TLDC2: variants seen among roughly 807,000 people sequenced by gnomAD.
TLDC2 encodes TLD domain-containing protein 2.
TLDC2 carries 23 observed loss-of-function variants against 27.9 expected under a neutral mutation model. That is an observed-to-expected ratio of 0.82 (90% CI 0.59 to 1.17). The LOEUF (loss-of-function observed/expected upper bound fraction) is 1.17. TLDC2 is among the 50% of genes most tolerant of loss of function. The pLI is 0.00. For synonymous variants in TLDC2, 124 were observed against 107.4 expected, an observed-to-expected ratio of 1.16 and a Z score of -0.96; for missense variants, 286 against 273.4, an observed-to-expected ratio of 1.05 and a Z score of -0.32.
At chr20:36,888,947 G>A (rs564566900) in intron 5 of TLDC2, among the ~76,000 whole-genome samples, 11 of 152,108 alleles carry the variant, frequency 7.2e-5, no homozygotes, top group South Asian at 4.2e-4. Context: ...GCTTGAACCC[G>A]GGAGGTGGAG....
chr20:36,889,578 AC>A, intron 6 of TLDC2, 175 bp downstream of exon 6: 4 of 678,648 alleles, frequency 5.9e-6, no homozygotes, highest in Non-Finnish European at 9.4e-6. Flanking sequence ...TGCAGAGGTG[AC>A]TTTGAAGGAT....
rs540831049 is a variant in TLDC2 at position 36,889,638 on chromosome 20, C to T, written c.*17+235C>T. On this transcript the variant is annotated intron_variant, in intron 6 of 6. Transcript: ENST00000217320. ...AAGCAGCACAGAGACCCTAAGCTAA[C>T]AGGGTCTTAGAAAACTCAGAAAAAT... The T allele has an allele frequency of 2.7e-5, 10 of 366,222 alleles. No homozygotes were observed. In the South Asian group the frequency reaches 5.9e-4, roughly 21 times the overall value. 22.7% of individuals were successfully genotyped at this position (366,222 alleles called of 1,614,324 possible). A position where few individuals can be genotyped will look rare whatever the true frequency, so the allele number is the denominator to read the frequency against.
chr20:36,888,378 C>G (rs1989973070), intron 5 of TLDC2, among the ~76,000 whole-genome samples: 1 of 151,636 alleles, frequency 6.6e-6, no homozygotes, highest in Non-Finnish European at 1.5e-5. Flanking sequence ...ACAACAGTTG[C>G]CCACCACCAC....
At chr20:36,876,234 G>A in intron 1 of TLDC2, 27 bp downstream of exon 1, 1 of 1,614,150 alleles carries the variant, frequency 6.2e-7, no homozygotes, top group Non-Finnish European at 8.5e-7. Flanking sequence ...CGTCTGTGGT[G>A]CAGGTTGGGA....
At chr20:36,877,621 C>T (rs967288249) in intron 1 of TLDC2, among the ~76,000 whole-genome samples, 7 of 152,190 alleles carry the variant, frequency 4.6e-5, no homozygotes, top group Non-Finnish European at 7.4e-5. Flanking sequence ...ACAAGTCGCA[C>T]GGCCCACGGC....
At chr20:36,880,526 T>C (rs1313057768) in intron 3 of TLDC2, 129 bp from the exon 4 acceptor site, 2 of 675,864 alleles carry the variant, frequency 3.0e-6, no homozygotes, top group Non-Finnish European at 5.1e-6. Flanking sequence ...GGAGCCCCCA[T>C]GCCCCAGCTC....
Position 36,881,232 on chromosome 20 carries a change from T to C in TLDC2, c.438+482T>C, listed in dbSNP as rs988797340. Reference sequence around the variant, plus strand: ...CCATCTCTACAAAAAATACGAAAATTAGCCAGACATGGTAGAGTACACCTG... The same window carrying C: ...CCATCTCTACAAAAAATACGAAAATCAGCCAGACATGGTAGAGTACACCTG... On this transcript the variant is annotated intron_variant, in intron 4 of 6. Transcript: ENST00000217320. Among the ~76,000 whole-genome samples the C allele has an allele frequency of 5.3e-5, 8 of 152,042 alleles. No individual in the cohort carries two copies. The South Asian group carries it at 8.3e-4, about 16-fold the overall frequency.
rs752092709 is a variant in TLDC2, at chr20:36,878,024, C to G, written c.159C>G (p.Ser53Arg). The G allele has an allele frequency of 6.2e-7, 1 of 1,613,896 alleles. No homozygotes were observed. Among genetic ancestry groups the G allele is most frequent in the Non-Finnish European group, 8.5e-7 (1 of 1,179,866 alleles). ...CGGTGCCCCAGCTGACAGAAGCCAG[C>G]CAGGTTTTGAGTGCCTCAGAGATTC... ...DPTVPQLTEA[S>R]QVLSASEIRQ... Residue 53 changes from serine (S) to arginine (R), a missense_variant, in exon 2 of 7, where the codon AGC becomes AGG. By Grantham distance (110) the Ser-to-Arg change is moderately radical. Transcript: ENST00000217320.
intron 1 of TLDC2, among the ~76,000 whole-genome samples, chr20:36,877,108 A>G (rs1989687077): frequency 6.6e-6 from 1 of 152,168 alleles, no homozygotes; most frequent in African/African-American, 2.4e-5. Flanking sequence ...ACAGAAGGCC[A>G]GGCGCGGTGG....
At chr20:36,878,314 C>T (rs994448831) in intron 2 of TLDC2, among the ~76,000 whole-genome samples, 4 of 152,188 alleles carry the variant, frequency 2.6e-5, no homozygotes, top group South Asian at 2.1e-4. Flanking sequence ...GGCGCGGTGG[C>T]TCACGCCTGT....
In TLDC2 at chr20:36,887,441, T is replaced by C. The variant is rs1989945790; in HGVS notation, c.439-14T>C. The C allele has an allele frequency of 6.2e-7, 1 of 1,611,982 alleles. No individual in the cohort carries two copies. Reference sequence around the variant, plus strand: ...TCGCTTAGTAACCTGAGCCTTTCCCTATGTATCACCCAGGTCTTTAAGTGG... The same window carrying C: ...TCGCTTAGTAACCTGAGCCTTTCCCCATGTATCACCCAGGTCTTTAAGTGG... On this transcript the variant is annotated splice_polypyrimidine_tract_variant and intron_variant, in intron 4 of 6. Transcript: ENST00000217320.
At chr20:36,884,764 AAAATAAATAAAT>A (rs11472647) in intron 4 of TLDC2, among the ~76,000 whole-genome samples, 62 of 144,664 alleles carry the variant, frequency 4.3e-4, no homozygotes, top group Middle Eastern at 3.5e-3. Flanking sequence ...CCTGTCTCTA[AAAATAAATAAAT>A]AAATAAATAA....
chr20:36,890,422 T>TTTCTTTCTTTC, intron 6 of TLDC2: 1 of 109,964 alleles, frequency 9.1e-6, no homozygotes, highest in African/African-American at 3.7e-5. Context: ...TTCTTTCTTT[T>TTTCTTTCTTTC]CTTTCTCTCT....
At chr20:36,877,829 G>T in intron 1 of TLDC2, 70 bp from the exon 2 acceptor site, 1 of 1,534,412 alleles carries the variant, frequency 6.5e-7, no homozygotes, top group Non-Finnish European at 8.8e-7. Flanking sequence ...GGAGGCTCTT[G>T]GGCTCAGGAG....
At chr20:36,887,598 T>A in intron 5 of TLDC2, 70 bp downstream of exon 5, 1 of 1,436,744 alleles carries the variant, frequency 7.0e-7, no homozygotes, top group Non-Finnish European at 9.8e-7. Context: ...GCCGAACTGC[T>A]GGGCTAGGCT....
At chr20:36,879,008 A>G (rs901325506) in intron 2 of TLDC2, 33 bp from the exon 3 acceptor site, 9 of 1,613,770 alleles carry the variant, frequency 5.6e-6, no homozygotes, top group Non-Finnish European at 6.8e-6. Context: ...GCGCGAGGAG[A>G]ACTCCTCCAT....
intron 4 of TLDC2, among the ~76,000 whole-genome samples, chr20:36,884,285 A>G (rs1224029060): frequency 1.3e-5 from 2 of 152,046 alleles, no homozygotes; most frequent in African/African-American, 4.8e-5. Flanking sequence ...TGCTCCAACC[A>G]CACTGGCCTC....
At chr20:36,889,697 G>A (rs1601104549) in intron 6 of TLDC2, 1 of 232,558 alleles carries the variant, frequency 4.3e-6, no homozygotes, top group African/African-American at 2.2e-5. Flanking sequence ...CTGCCTCCTG[G>A]CAAAGGGAAG....
In TLDC2 at chr20:36,891,039, C is replaced by T. The variant is rs551796990; in HGVS notation, c.*17+1636C>T. The T allele has an allele frequency of 2.0e-5, 3 of 152,302 alleles. No individual in the cohort carries two copies. The South Asian group carries it at 6.2e-4, about 32-fold the overall frequency. 9.4% of individuals were successfully genotyped at this position (152,302 alleles called of 1,614,324 possible). On this transcript the variant is annotated intron_variant, in intron 6 of 6. Coordinates refer to ENST00000217320, the MANE Select transcript of TLDC2 (RefSeq NM_080628.3). ...GACCTTAGGTCTGGGCACATGATGTCTGACCCCTATAGAGGCACCTTGGCT... is the reference window on the plus strand; with the variant it reads ...GACCTTAGGTCTGGGCACATGATGTTTGACCCCTATAGAGGCACCTTGGCT...
Sources: allele counts gnomAD v4.1 joint callset (sites outside exome capture counted in the v4.1 genomes callset), GRCh38; gene constraint gnomAD v4.1.1; transcripts MANE v1.5; gene names NCBI Gene and HGNC (gene_info 2026-07-23, HGNC 2026-07-21).